The following OLFM3 variants were observed in gnomAD, a reference collection of about 807,000 sequenced individuals.
OLFM3 encodes the protein olfactomedin 3.
OLFM3 carries 20 observed loss-of-function variants against 48.6 expected under a neutral mutation model. The ratio of observed to expected loss-of-function variants is 0.41; its 90% CI spans 0.29 to 0.60. The LOEUF is 0.60. OLFM3 is among the 20% of genes least tolerant of loss of function. OLFM3 has a pLI of 0.28. For synonymous variants in OLFM3, 222 were observed against 198.1 expected, an observed-to-expected ratio of 1.12 and a Z score of -1.01; for missense variants, 437 against 544.3, an observed-to-expected ratio of 0.80 and a Z score of 1.96.
chr1:101,888,606 TA>T (rs1277140588), intron 1 of OLFM3, among the ~76,000 whole-genome samples: 2 of 152,080 alleles, frequency 1.3e-5, no homozygotes, highest in African/African-American at 2.4e-5. Flanking sequence ...ACTTCATGAC[TA>T]AAACACCAAA....
At chr1:101,872,061 G>A (rs1657103369) in intron 1 of OLFM3, among the ~76,000 whole-genome samples, 1 of 152,060 alleles carries the variant, frequency 6.6e-6, no homozygotes, top group African/African-American at 2.4e-5. Flanking sequence ...AGTTTTGCAG[G>A]AGTGAAAGCA....
At chr1:101,924,142 G>T (rs2101041187) in intron 1 of OLFM3, among the ~76,000 whole-genome samples, 1 of 152,254 alleles carries the variant, frequency 6.6e-6, no homozygotes, top group Admixed American at 6.5e-5. Flanking sequence ...CTTAGAAAAT[G>T]AACCAGCTTC....
At chr1:101,850,925 A>G (rs1656198352) in intron 1 of OLFM3, among the ~76,000 whole-genome samples, 1 of 140,320 alleles carries the variant, frequency 7.1e-6, no homozygotes, top group Admixed American at 7.1e-5. Context: ...GAGGAGGAGA[A>G]GAAAAAAAGA....
At position 101,836,945 on chromosome 1, in the gene OLFM3, A is replaced by T. The variant is rs1449649613; in HGVS notation, c.150T>A (p.Val50=). 2 of 1,614,176 alleles carry T rather than the reference A, an allele frequency of 1.2e-6. No homozygotes were observed. Among genetic ancestry groups the T allele is most frequent in the Admixed American group, 3.3e-5 (2 of 60,020 alleles). The part of the protein sequence containing the change: ...DPDGRCICTV[V]APEQNLCSRD... ...GGGAACACAGGTTTTGTTCTGGAGC[A>T]ACAACTGTGCAAATGCACCGCCCAT... The change falls in exon 2 of 6, where the codon GTT becomes GTA. Residue 50 remains valine, a synonymous_variant. Coordinates refer to ENST00000370103, the MANE Select transcript of OLFM3 (RefSeq NM_058170.4).
At chr1:101,877,306 A>T (rs1351953547) in intron 1 of OLFM3, among the ~76,000 whole-genome samples, 1 of 151,888 alleles carries the variant, frequency 6.6e-6, no homozygotes, top group Non-Finnish European at 1.5e-5. Flanking sequence ...CTCTCTTTCC[A>T]TTACTTCCTC....
intron 1 of OLFM3, among the ~76,000 whole-genome samples, chr1:101,927,426 C>T (rs537891421): frequency 5.9e-5 from 9 of 151,930 alleles, no homozygotes; most frequent in South Asian, 2.1e-4. Context: ...CTTTAAGAAG[C>T]CTTGTCTCAT....
chr1:101,876,343 T>C (rs118185777), intron 1 of OLFM3, among the ~76,000 whole-genome samples: 5 of 152,066 alleles, frequency 3.3e-5, no homozygotes, highest in East Asian at 3.9e-4. Context: ...CCCTCCTCCA[T>C]ACGGCAAGTC....
chr1:101,988,986 A>G (rs1249827419), intron 1 of OLFM3, among the ~76,000 whole-genome samples: 9 of 152,154 alleles, frequency 5.9e-5, no homozygotes, highest in Non-Finnish European at 1.0e-4. Flanking sequence ...CAGTACCTGT[A>G]GCTAAAGATA....
intron 1 of OLFM3, among the ~76,000 whole-genome samples, chr1:101,993,016 C>T (rs1570697916): frequency 6.6e-6 from 1 of 152,058 alleles, no homozygotes; most frequent in East Asian, 1.9e-4. Context: ...AATGTTTCCT[C>T]AAACTCAGCA....
chr1:101,848,751 T>C (rs529958137), intron 1 of OLFM3, among the ~76,000 whole-genome samples: 1 of 152,100 alleles, frequency 6.6e-6, no homozygotes, highest in Non-Finnish European at 1.5e-5. Flanking sequence ...TGTTGAAAAA[T>C]ACACCTGGAA....
At chr1:101,953,453 G>T (rs1041233829) in intron 1 of OLFM3, among the ~76,000 whole-genome samples, 2 of 151,998 alleles carry the variant, frequency 1.3e-5, no homozygotes, top group African/African-American at 2.4e-5. Flanking sequence ...TTATGATTTG[G>T]CACTTTACAG....
At chr1:101,870,415 T>C (rs1180847417) in intron 1 of OLFM3, among the ~76,000 whole-genome samples, 2 of 152,206 alleles carry the variant, frequency 1.3e-5, no homozygotes, top group African/African-American at 4.8e-5. Flanking sequence ...CTGGGACTAG[T>C]GGATATAAAA....
At chr1:101,959,061 C>A (rs561235476) in intron 1 of OLFM3, among the ~76,000 whole-genome samples, 2 of 151,334 alleles carry the variant, frequency 1.3e-5, no homozygotes, top group South Asian at 4.2e-4. Flanking sequence ...CTTCCCACCC[C>A]GGTCTTAGCC....
At chr1:101,955,042 G>A (rs1429740376) in intron 1 of OLFM3, among the ~76,000 whole-genome samples, 2 of 152,020 alleles carry the variant, frequency 1.3e-5, no homozygotes, top group Non-Finnish European at 2.9e-5. Flanking sequence ...TATTTCAGTA[G>A]ACGAAGTATT....
chr1:101,857,037 T>C (rs1656450381), intron 1 of OLFM3, among the ~76,000 whole-genome samples: 1 of 152,008 alleles, frequency 6.6e-6, no homozygotes, highest in Non-Finnish European at 1.5e-5. Context: ...CAGTAAAATT[T>C]ACTATGGGCC....
At chr1:101,826,197 T>A (rs1360221178) in intron 3 of OLFM3, among the ~76,000 whole-genome samples, 1 of 151,096 alleles carries the variant, frequency 6.6e-6, no homozygotes, top group Non-Finnish European at 1.5e-5. Flanking sequence ...TCAAGCAGTA[T>A]CCCTCACCCC....
At chr1:101,816,069 C>A (rs1193874624) in intron 4 of OLFM3, among the ~76,000 whole-genome samples, 3 of 152,110 alleles carry the variant, frequency 2.0e-5, no homozygotes, top group Non-Finnish European at 2.9e-5. Flanking sequence ...ATAGTACTGA[C>A]CTGTGAAAAA....
intron 1 of OLFM3, among the ~76,000 whole-genome samples, chr1:101,891,662 G>T (rs766741088): frequency 7.2e-5 from 11 of 151,774 alleles, no homozygotes; most frequent in Non-Finnish European, 1.6e-4. Flanking sequence ...ATTATCTACA[G>T]TAATGTCAAT....
At chr1:101,953,843 G>A (rs1660215931) in intron 1 of OLFM3, among the ~76,000 whole-genome samples, 1 of 151,884 alleles carries the variant, frequency 6.6e-6, no homozygotes, top group Non-Finnish European at 1.5e-5. Context: ...TTAGTCCCTG[G>A]GTAAAAAAGA....
Sources: allele counts gnomAD v4.1 joint callset (sites outside exome capture counted in the v4.1 genomes callset), GRCh38; gene constraint gnomAD v4.1.1; transcripts MANE v1.5; gene names NCBI Gene and HGNC (gene_info 2026-07-23, HGNC 2026-07-21).